The following NRG1 variants were observed in gnomAD, a reference collection of about 807,000 sequenced individuals.
The protein encoded by NRG1 is pro-neuregulin-1, membrane-bound isoform.
A neutral mutation model predicts 63.8 loss-of-function variants in NRG1; 18 were observed. The ratio of observed to expected loss-of-function variants is 0.28; its 90% confidence interval spans 0.19 to 0.42. NRG1 has a LOEUF of 0.42. Ranked by LOEUF, NRG1 falls within the 10% of genes least tolerant of loss-of-function variation. The pLI is 1.00. For synonymous variants in NRG1, 302 were observed against 301.3 expected, an observed-to-expected ratio of 1.00 and a Z score of -0.02; for missense variants, 762 against 814.7, an observed-to-expected ratio of 0.94 and a Z score of 0.79.
At chr8:32,174,778 C>T (rs1840502599) in intron 1 of NRG1, among the ~76,000 whole-genome samples, 1 of 152,102 alleles carries the variant, frequency 6.6e-6, no homozygotes, top group Admixed American at 6.5e-5. Flanking sequence ...CAAGACTAAA[C>T]CAGGAAGAAG....
intron 1 of NRG1, among the ~76,000 whole-genome samples, chr8:31,817,101 T>A (rs1823528345): frequency 1.3e-5 from 2 of 152,186 alleles, no homozygotes; most frequent in Non-Finnish European, 2.9e-5. Context: ...TTGCATAAAG[T>A]CTCTACCAAA....
At chr8:31,676,863 A>G (rs1279667097) in intron 1 of NRG1, among the ~76,000 whole-genome samples, 3 of 152,194 alleles carry the variant, frequency 2.0e-5, no homozygotes, top group Admixed American at 1.3e-4. Flanking sequence ...CCTACATGGG[A>G]AGTTGTAGAA....
At chr8:31,935,637 G>T (rs1238837280) in intron 1 of NRG1, among the ~76,000 whole-genome samples, 1 of 152,170 alleles carries the variant, frequency 6.6e-6, no homozygotes, top group Non-Finnish European at 1.5e-5. Flanking sequence ...AGCTAGTGCA[G>T]TGCAGAAGCA....
intron 1 of NRG1, among the ~76,000 whole-genome samples, chr8:31,723,153 T>C (rs1428132200): frequency 6.6e-6 from 1 of 152,212 alleles, no homozygotes; most frequent in East Asian, 1.9e-4. Flanking sequence ...TATTTTAAAC[T>C]ATTGAGTATG....
chr8:32,362,167 T>G (rs1807305268), intron 1 of NRG1, among the ~76,000 whole-genome samples: 2 of 152,232 alleles, frequency 1.3e-5, no homozygotes, highest in African/African-American at 4.8e-5. Flanking sequence ...ACAACTCCCT[T>G]GTACATTGCA....
At chr8:32,052,271 G>GTTTTTT (rs5890615) in intron 1 of NRG1, among the ~76,000 whole-genome samples, 1 of 91,410 alleles carries the variant, frequency 1.1e-5, no homozygotes, top group African/African-American at 3.9e-5. Context: ...CTTTCCTCCT[G>GTTTTTT]TTTTTTTTTT....
chr8:32,650,450 T>C (rs905940035), intron 5 of NRG1, among the ~76,000 whole-genome samples: 1 of 152,114 alleles, frequency 6.6e-6, no homozygotes, highest in Admixed American at 6.6e-5. Context: ...GAAACTCTGT[T>C]AATTTTTTAG....
intron 1 of NRG1, among the ~76,000 whole-genome samples, chr8:32,473,496 T>C (rs1824101001): frequency 6.6e-6 from 1 of 152,162 alleles, no homozygotes; most frequent in South Asian, 2.1e-4. Flanking sequence ...CTATAGTATT[T>C]CTAATACTAT....
chr8:32,368,636 T>C (rs1450929767), intron 1 of NRG1, among the ~76,000 whole-genome samples: 1 of 152,206 alleles, frequency 6.6e-6, no homozygotes, highest in Non-Finnish European at 1.5e-5. Flanking sequence ...TGTTCAAGTG[T>C]AGAAGCTGGA....
chr8:32,427,280 A>G (rs1489569216), intron 1 of NRG1, among the ~76,000 whole-genome samples: 3 of 152,224 alleles, frequency 2.0e-5, no homozygotes, highest in Non-Finnish European at 4.4e-5. Flanking sequence ...AATCACAAGG[A>G]AATATTTACA....
intron 1 of NRG1, among the ~76,000 whole-genome samples, chr8:32,011,502 C>A (rs114079055): frequency 6.6e-6 from 1 of 152,142 alleles, no homozygotes; most frequent in African/African-American, 2.4e-5. Flanking sequence ...TTGTCAGACA[C>A]TGGACTTTAA....
At chr8:31,717,469 G>A (rs1457296370) in intron 1 of NRG1, among the ~76,000 whole-genome samples, 1 of 151,594 alleles carries the variant, frequency 6.6e-6, no homozygotes, top group Non-Finnish European at 1.5e-5. Flanking sequence ...GGGGGCCTGG[G>A]TGAGAAGAGA....
chr8:32,295,247 A>G (rs1854700351), intron 1 of NRG1, among the ~76,000 whole-genome samples: 1 of 152,164 alleles, frequency 6.6e-6, no homozygotes. Context: ...TTCTAAAAAA[A>G]TCTATAAATT....
intron 1 of NRG1, among the ~76,000 whole-genome samples, chr8:31,920,946 A>G (rs1438152317): frequency 6.6e-6 from 1 of 152,012 alleles, no homozygotes; most frequent in Non-Finnish European, 1.5e-5. Flanking sequence ...ATACCTGAAA[A>G]CATTATTTTC....
At chr8:32,428,412 GT>G (rs1817690357) in intron 1 of NRG1, among the ~76,000 whole-genome samples, 2 of 150,884 alleles carry the variant, frequency 1.3e-5, no homozygotes, top group Non-Finnish European at 2.9e-5. Flanking sequence ...GTAGAAATCA[GT>G]TTTGTTAGTT....
At chr8:31,778,646 G>A (rs1819388757) in intron 1 of NRG1, among the ~76,000 whole-genome samples, 1 of 152,174 alleles carries the variant, frequency 6.6e-6, no homozygotes, top group South Asian at 2.1e-4. Flanking sequence ...AATAATAGTA[G>A]CAACTAATGT....
intron 1 of NRG1, among the ~76,000 whole-genome samples, chr8:31,783,161 G>A (rs749582053): frequency 2.2e-4 from 33 of 152,148 alleles, no homozygotes; most frequent in Non-Finnish European, 1.8e-4. Flanking sequence ...AAAAGGATCA[G>A]TCCAAACAAT....
intron 5 of NRG1, among the ~76,000 whole-genome samples, chr8:32,650,401 G>C (rs947461985): frequency 4.0e-5 from 6 of 151,868 alleles, no homozygotes; most frequent in Admixed American, 3.3e-4. Flanking sequence ...AAAAGTTAGG[G>C]GTAGACAGTT....
At chr8:32,344,382 CTCTT>C (rs1460412302) in intron 1 of NRG1, among the ~76,000 whole-genome samples, 792 of 65,942 alleles carry the variant, frequency 0.012, 40 homozygotes, top group Middle Eastern at 0.074. Flanking sequence ...TTCTTTCTTT[CTCTT>C]TCTTTCTTTT....
Sources: allele counts gnomAD v4.1 joint callset (sites outside exome capture counted in the v4.1 genomes callset), GRCh38; gene constraint gnomAD v4.1.1; transcripts MANE v1.5; gene names NCBI Gene and HGNC (gene_info 2026-07-23, HGNC 2026-07-21).